FIGN: variants seen among roughly 807,000 people sequenced by gnomAD.
The protein encoded by FIGN is fidgetin, microtubule severing factor.
Under a neutral mutation model 51.3 loss-of-function variants are expected in FIGN, and 11 were observed. That is an observed-to-expected ratio of 0.21 (90% CI 0.13 to 0.35). The LOEUF (loss-of-function observed/expected upper bound fraction) is 0.35. Among genes scored for constraint, FIGN ranks in the 10% least tolerant of loss-of-function variants. FIGN has a pLI of 1.00. For missense variants in FIGN, 857 were observed against 943.6 expected, an observed-to-expected ratio of 0.91 and a Z score of 1.20; for synonymous variants, 407 against 363.2, an observed-to-expected ratio of 1.12 and a Z score of -1.37.
At chr2:163,665,201 GC>G (rs1488842185) in intron 2 of FIGN, among the ~76,000 whole-genome samples, 1 of 152,218 alleles carries the variant, frequency 6.6e-6, no homozygotes, top group Non-Finnish European at 1.5e-5. Context: ...CTCTCAAAGA[GC>G]AGGCAGGGAC....
At chr2:163,730,158 A>G (rs1312458731) in intron 2 of FIGN, among the ~76,000 whole-genome samples, 1 of 152,210 alleles carries the variant, frequency 6.6e-6, no homozygotes, top group Non-Finnish European at 1.5e-5. Context: ...ACTTCAATGT[A>G]CCATTTATTT....
intron 2 of FIGN, among the ~76,000 whole-genome samples, chr2:163,673,051 T>C (rs565576226): frequency 6.6e-6 from 1 of 152,172 alleles, no homozygotes; most frequent in South Asian, 2.1e-4. Context: ...AATGTAAGTA[T>C]GTGTGTGAGG....
chr2:163,658,539 C>T (rs937378208), intron 2 of FIGN, among the ~76,000 whole-genome samples: 2 of 152,146 alleles, frequency 1.3e-5, no homozygotes, highest in Non-Finnish European at 2.9e-5. Context: ...TCTGCTTCTA[C>T]TGAGGGCGTC....
In FIGN at chr2:163,611,766, T is replaced by C. The variant is rs1434036267; in HGVS notation, c.66A>G (p.Pro22=). 6.2e-7 allele frequency: 1 copy of C among 1,612,398 alleles called. No homozygotes were observed. Among genetic ancestry groups the C allele is most frequent in the Admixed American group, 1.7e-5 (1 of 59,994 alleles). ...TTGAGGTGATGTCAAAGTGCTGTTC[T>C]GGCCACTGGGCATGCTCTGGCGTCC... ...MQWTPEHAQW[P]EQHFDITSTT... is the part of the protein sequence containing the mutation. The change falls in exon 3 of 3, where the codon CCA becomes CCG. Residue 22 remains proline (P), a synonymous_variant. Transcript: ENST00000333129.
intron 2 of FIGN, among the ~76,000 whole-genome samples, chr2:163,721,701 T>C (rs187387264): frequency 1.3e-4 from 20 of 152,302 alleles, no homozygotes; most frequent in African/African-American, 4.3e-4. Context: ...GACATCAACC[T>C]AGATTTCAAT....
intron 2 of FIGN, among the ~76,000 whole-genome samples, chr2:163,703,258 G>A (rs1347637747): frequency 2.0e-5 from 3 of 151,986 alleles, no homozygotes; most frequent in Admixed American, 2.0e-4. Flanking sequence ...TAATTTTTGT[G>A]GGACTGGAAT....
intron 2 of FIGN, among the ~76,000 whole-genome samples, chr2:163,697,516 G>A (rs1017627490): frequency 1.3e-5 from 2 of 152,112 alleles, no homozygotes; most frequent in Admixed American, 1.3e-4. Flanking sequence ...AGGAAGGTGT[G>A]CTGCCTCCTT....
intron 2 of FIGN, among the ~76,000 whole-genome samples, chr2:163,665,425 A>G (rs774992141): frequency 6.6e-6 from 1 of 152,282 alleles, no homozygotes; most frequent in Non-Finnish European, 1.5e-5. Context: ...TACTGTTAAA[A>G]CATGAGTTTT....
intron 2 of FIGN, among the ~76,000 whole-genome samples, chr2:163,629,588 C>A (rs577836596): frequency 1.3e-5 from 2 of 152,180 alleles, no homozygotes; most frequent in Admixed American, 6.5e-5. Flanking sequence ...TACGTCAAAT[C>A]TAGCAGGCCA....
chr2:163,645,324 A>G (rs1465409308), intron 2 of FIGN, among the ~76,000 whole-genome samples: 1 of 152,150 alleles, frequency 6.6e-6, no homozygotes, highest in Non-Finnish European at 1.5e-5. Flanking sequence ...CATTCAGGAA[A>G]GGCCCTAGCA....
At chr2:163,644,120 G>A (rs1204437322) in intron 2 of FIGN, among the ~76,000 whole-genome samples, 1 of 151,650 alleles carries the variant, frequency 6.6e-6, no homozygotes, top group Non-Finnish European at 1.5e-5. Flanking sequence ...AATTAAAAAC[G>A]TTTTGCTTCA....
intron 2 of FIGN, among the ~76,000 whole-genome samples, chr2:163,648,375 A>T (rs1397122231): frequency 1.3e-5 from 2 of 152,226 alleles, no homozygotes; most frequent in Non-Finnish European, 2.9e-5. Context: ...ACTATTGTCT[A>T]AATAGTTGAA....
intron 2 of FIGN, among the ~76,000 whole-genome samples, chr2:163,626,530 TAAC>T: frequency 6.6e-6 from 1 of 152,180 alleles, no homozygotes. Context: ...ATAATAATAA[TAAC>T]AATATAAAAA....
chr2:163,691,148 T>C (rs555595732), intron 2 of FIGN, among the ~76,000 whole-genome samples: 2 of 152,268 alleles, frequency 1.3e-5, no homozygotes, highest in Admixed American at 1.3e-4. Context: ...ACTTTGTTTT[T>C]AATATAAGAC....
intron 2 of FIGN, among the ~76,000 whole-genome samples, chr2:163,714,043 G>A (rs1286800615): frequency 6.6e-6 from 1 of 152,118 alleles, no homozygotes; most frequent in Admixed American, 6.5e-5. Context: ...GGCTCACGGG[G>A]TCCACAGACG....
At chr2:163,692,713 T>G (rs1258934612) in intron 2 of FIGN, among the ~76,000 whole-genome samples, 1 of 152,062 alleles carries the variant, frequency 6.6e-6, no homozygotes, top group Non-Finnish European at 1.5e-5. Flanking sequence ...CTTTTAACAG[T>G]GGAGATGTTA....
intron 2 of FIGN, among the ~76,000 whole-genome samples, chr2:163,637,799 A>C (rs1414799966): frequency 2.0e-5 from 3 of 152,136 alleles, no homozygotes; most frequent in Non-Finnish European, 4.4e-5. Flanking sequence ...AACTCTACAG[A>C]CCAATATGTA....
intron 2 of FIGN, among the ~76,000 whole-genome samples, chr2:163,723,083 G>C (rs1372115601): frequency 6.6e-6 from 1 of 151,754 alleles, no homozygotes; most frequent in Non-Finnish European, 1.5e-5. Flanking sequence ...CCCAGCTGCT[G>C]GGGAGGCTGA....
At chr2:163,734,155 G>T (rs566974086) in intron 2 of FIGN, among the ~76,000 whole-genome samples, 1 of 150,834 alleles carries the variant, frequency 6.6e-6, no homozygotes. Context: ...GATTTCAAAC[G>T]AAGTCAATTT....
Sources: gnomAD v4.1 joint callset for allele counts (sites outside exome capture counted in the v4.1 genomes callset) on GRCh38, gnomAD v4.1.1 for gene constraint, MANE v1.5 for transcripts, NCBI Gene and HGNC (gene_info 2026-07-23, HGNC 2026-07-21) for gene names.